Variants in SLC25A48 observed in about 807,000 individuals in gnomAD.
The protein encoded by SLC25A48 is solute carrier family 25 member 48, also known as CTC-321K16.1.
A neutral mutation model predicts 32.2 loss-of-function variants in SLC25A48; 29 were observed. The observed-to-expected ratio is 0.90, with a 90% CI of 0.67 to 1.23. The LOEUF (loss-of-function observed/expected upper bound fraction) is 1.23, where lower values mean the gene tolerates loss of function less well. SLC25A48 is among the 50% of genes most tolerant of loss of function. The pLI, the probability that SLC25A48 is intolerant of heterozygous loss-of-function variation, is 0.00. For missense variants in SLC25A48, 399 were observed against 422.7 expected (o/e 0.94, Z 0.49); for synonymous variants, 164 against 172.3 (o/e 0.95, Z 0.38).
At chr5:135,822,725 A>G (rs956827951) in intron 4 of SLC25A48, among the ~76,000 whole-genome samples, 21 of 152,186 alleles carry the variant, frequency 1.4e-4, no homozygotes, top group African/African-American at 4.8e-4. Context: ...AACATGTCCT[A>G]TGGGGGACAC....
chr5:135,835,433 T>C (rs913927516), intron 1 of SLC25A48, among the ~76,000 whole-genome samples: 4 of 152,010 alleles, frequency 2.6e-5, no homozygotes, highest in African/African-American at 9.7e-5. Flanking sequence ...GAGGAGCACT[T>C]ATTGCCTTCA....
At chr5:135,880,146 C>CTT (rs878929700) in intron 7 of SLC25A48, 49 bp downstream of exon 7, 1,086 of 1,295,748 alleles carry the variant, frequency 8.4e-4, no homozygotes, top group South Asian at 2.4e-3. Flanking sequence ...GAACTTGAAA[C>CTT]TTTTTTTTTT....
intron 7 of SLC25A48, among the ~76,000 whole-genome samples, chr5:135,884,935 G>T (rs1201772008): frequency 6.6e-6 from 1 of 152,114 alleles, no homozygotes; most frequent in African/African-American, 2.4e-5. Flanking sequence ...AAGGAGGCAT[G>T]CAGAGAGAAG....
intron 2 of SLC25A48, among the ~76,000 whole-genome samples, chr5:135,848,223 T>A (rs1374387184): frequency 6.6e-6 from 1 of 152,204 alleles, no homozygotes; most frequent in South Asian, 2.1e-4. Flanking sequence ...CTTGAGTGAC[T>A]CAACCACTCA....
intron 7 of SLC25A48, among the ~76,000 whole-genome samples, chr5:135,885,393 T>G (rs1470650008): frequency 6.6e-6 from 1 of 152,160 alleles, no homozygotes; most frequent in Non-Finnish European, 1.5e-5. Flanking sequence ...TGCTTTTCTT[T>G]AACCTACAGG....
At position 135,758,662 on chromosome 5, in the gene SLC25A48, TATG is replaced by T. The variant is rs1262724638; in HGVS notation, c.-520-53858_-520-53856del. Reference sequence around the variant, plus strand: ...TGAATAATATGTAGTGTTAACACACTATGATATTAATAGAATATCATCTATGCT... The same window carrying T: ...TGAATAATATGTAGTGTTAACACACTATATTAATAGAATATCATCTATGCT... On this transcript the variant is annotated intron_variant, in intron 3 of 10. Coordinates refer to the SLC25A48 transcript ENST00000646290. 5.3e-5 allele frequency among the ~76,000 whole-genome samples: 8 copies of T among 150,732 alleles called. No individual in the cohort carries two copies. The South Asian group carries it at 6.4e-4, about 12-fold the overall frequency.
intron 3 of SLC25A48, among the ~76,000 whole-genome samples, chr5:135,659,795 GGAGA>G (rs997166439): frequency 1.2e-4 from 19 of 152,292 alleles, no homozygotes; most frequent in African/African-American, 4.6e-4. Flanking sequence ...CATAGCAGCA[GGAGA>G]GAGAGAAAGT....
At chr5:135,736,695 T>G (rs1755368781) in intron 3 of SLC25A48, among the ~76,000 whole-genome samples, 1 of 152,138 alleles carries the variant, frequency 6.6e-6, no homozygotes, top group Admixed American at 6.5e-5. Flanking sequence ...CTCTGAAACA[T>G]GGGTGAATAA....
chr5:135,630,918 T>G (rs188720328), intron 2 of SLC25A48, among the ~76,000 whole-genome samples: 279 of 152,176 alleles, frequency 1.8e-3, no homozygotes, highest in African/African-American at 6.5e-3. Flanking sequence ...TTAGCAGTAT[T>G]CTAATGAGCA....
chr5:135,635,168 G>T (rs1752669928), intron 3 of SLC25A48, among the ~76,000 whole-genome samples: 1 of 152,168 alleles, frequency 6.6e-6, no homozygotes, highest in Non-Finnish European at 1.5e-5. Flanking sequence ...TGGCCTCTGT[G>T]GGTGTACCAG....
At chr5:135,620,018 G>T (rs1752285932) in intron 1 of SLC25A48, among the ~76,000 whole-genome samples, 1 of 152,224 alleles carries the variant, frequency 6.6e-6, no homozygotes. Context: ...GAAGTAGGTT[G>T]GGCAGGTAGG....
At chr5:135,723,048 C>T (rs61535452) in intron 3 of SLC25A48, among the ~76,000 whole-genome samples, 40,989 of 152,166 alleles carry the variant, frequency 0.27, 5,746 homozygotes, top group East Asian at 0.46. Flanking sequence ...TGGAGAGGCC[C>T]GCATGGCTAG....
chr5:135,801,948 C>T (rs1757340145), intron 3 of SLC25A48, among the ~76,000 whole-genome samples: 1 of 151,664 alleles, frequency 6.6e-6, no homozygotes, highest in Non-Finnish European at 1.5e-5. Context: ...TGATATTACT[C>T]CCAATATTGC....
chr5:135,787,730 G>A (rs1756885086), intron 3 of SLC25A48, among the ~76,000 whole-genome samples: 1 of 151,820 alleles, frequency 6.6e-6, no homozygotes, highest in African/African-American at 2.4e-5. Context: ...TTAGGGATAT[G>A]TTACTCCTAA....
chr5:135,797,946 A>G (rs933184385), intron 3 of SLC25A48, among the ~76,000 whole-genome samples: 2 of 151,246 alleles, frequency 1.3e-5, no homozygotes, highest in Non-Finnish European at 3.0e-5. Flanking sequence ...TGGGGTGTAC[A>G]CCCCCTCTAT....
intron 3 of SLC25A48, among the ~76,000 whole-genome samples, chr5:135,730,330 T>C (rs569096045): frequency 2.0e-5 from 3 of 152,262 alleles, no homozygotes; most frequent in African/African-American, 7.2e-5. Context: ...GCTGTTCTCA[T>C]GATAGTGAAT....
chr5:135,677,970 A>T (rs555688424), intron 3 of SLC25A48, among the ~76,000 whole-genome samples: 2 of 152,260 alleles, frequency 1.3e-5, no homozygotes, highest in East Asian at 3.9e-4. Context: ...TTGACTTTAG[A>T]CAATTTGACT....
chr5:135,742,363 G>T, intron 3 of SLC25A48: 2 of 1,003,306 alleles, frequency 2.0e-6, no homozygotes, highest in South Asian at 2.3e-5. Context: ...TTACAAGCAT[G>T]AATCACCACA....
chr5:135,660,280 AATG>A (rs1753365611), intron 3 of SLC25A48, among the ~76,000 whole-genome samples: 1 of 152,222 alleles, frequency 6.6e-6, no homozygotes, highest in Admixed American at 6.5e-5. Flanking sequence ...CCAGAATATC[AATG>A]ATGATACAAT....
Sources: gnomAD v4.1 joint callset for allele counts (sites outside exome capture counted in the v4.1 genomes callset) on GRCh38, gnomAD v4.1.1 for gene constraint, MANE v1.5 for transcripts, NCBI Gene and HGNC (gene_info 2026-07-23, HGNC 2026-07-21) for gene names.